The following IL1RAPL1 variants were observed in gnomAD, a reference collection of about 807,000 sequenced individuals.
IL1RAPL1 encodes the protein interleukin 1 receptor accessory protein like 1, also known as interleukin-1 receptor accessory protein-like 1.
Under a neutral mutation model 48.4 loss-of-function variants are expected in IL1RAPL1, and 3 were observed. The ratio of observed to expected loss-of-function variants is 0.06; its 90% CI spans 0.03 to 0.16. IL1RAPL1 has a LOEUF of 0.16. IL1RAPL1 is among the 10% of genes least tolerant of loss of function. The pLI is 1.00. For missense variants in IL1RAPL1, 349 were observed against 530.6 expected (o/e 0.66, Z 3.36); for synonymous variants, 185 against 187.7 (o/e 0.99, Z 0.12).
intron 2 of IL1RAPL1, among the ~76,000 whole-genome samples, chrX:29,076,961 C>T (rs763331851): frequency 2.7e-5 from 3 of 112,267 alleles, no homozygotes; most frequent in Non-Finnish European, 5.6e-5. Context: ...TAAAAGATTA[C>T]TCTGGGTATT....
chrX:29,775,226 T>C (rs1226071524), intron 6 of IL1RAPL1, among the ~76,000 whole-genome samples: 1 of 111,338 alleles, frequency 9.0e-6, no homozygotes, highest in Non-Finnish European at 1.9e-5. Context: ...TTAATCATCA[T>C]TGGGGTTGTT....
rs377565157 is a variant in IL1RAPL1 at position 28,709,749 on chromosome X, T to C, written c.-24-79571T>C. On this transcript the variant is annotated intron_variant, in intron 1 of 10. Transcript: ENST00000378993. ...AGCAATTCAAACCTAGGCGATTTTA[T>C]GTAGGAGGTTAGTTGATGGTAGGTG... Among the ~76,000 whole-genome samples the C allele has an allele frequency of 1.8e-4, 20 of 111,115 alleles. No individual in the cohort carries two copies. The East Asian group carries it at 5.7e-3, about 32-fold the overall frequency.
At chrX:29,762,412 G>T (rs183382342) in intron 6 of IL1RAPL1, among the ~76,000 whole-genome samples, 27 of 111,865 alleles carry the variant, frequency 2.4e-4, no homozygotes, top group African/African-American at 8.4e-4. Context: ...TTGAGTTAAA[G>T]AATTCTTTAG....
intron 2 of IL1RAPL1, among the ~76,000 whole-genome samples, chrX:28,809,507 C>G: frequency 9.1e-6 from 1 of 109,986 alleles, no homozygotes; most frequent in Non-Finnish European, 1.9e-5. Context: ...TAGTGAGTAC[C>G]AAAGATATGC....
At chrX:29,297,928 C>T (rs1160935545) in intron 3 of IL1RAPL1, among the ~76,000 whole-genome samples, 16 of 111,414 alleles carry the variant, frequency 1.4e-4, no homozygotes, top group African/African-American at 5.2e-4. Flanking sequence ...AGTTTTACCC[C>T]ATCTACTCTA....
At chrX:29,310,130 GAAA>G (rs1723306486) in intron 3 of IL1RAPL1, among the ~76,000 whole-genome samples, 4 of 17,467 alleles carry the variant, frequency 2.3e-4, no homozygotes, top group African/African-American at 4.6e-4. Context: ...AAAAAAAAAA[GAAA>G]GGAAAAAAAA....
At chrX:29,093,216 A>G (rs1256729736) in intron 2 of IL1RAPL1, among the ~76,000 whole-genome samples, 1 of 111,469 alleles carries the variant, frequency 9.0e-6, no homozygotes, top group Admixed American at 9.6e-5. Context: ...ACAATTCCAC[A>G]GGCTGTACAG....
intron 3 of IL1RAPL1, among the ~76,000 whole-genome samples, chrX:29,313,288 C>T (rs4893613): frequency 0.098 from 4,686 of 47,659 alleles, 317 homozygotes; most frequent in African/African-American, 0.21. Context: ...TGTGTGTGTG[C>T]GCGCGCACAT....
At chrX:29,906,182 A>ACAAT (rs1324195855) in intron 6 of IL1RAPL1, among the ~76,000 whole-genome samples, 10 of 106,490 alleles carry the variant, frequency 9.4e-5, no homozygotes, top group East Asian at 6.1e-4. Context: ...TAAAATACAA[A>ACAAT]CAATCAGCCG....
At chrX:28,621,079 C>T (rs766566570) in intron 1 of IL1RAPL1, among the ~76,000 whole-genome samples, 2 of 112,337 alleles carry the variant, frequency 1.8e-5, no homozygotes, top group Non-Finnish European at 3.8e-5. Context: ...ACTAAAGTAT[C>T]TGACTAGTCC....
intron 2 of IL1RAPL1, among the ~76,000 whole-genome samples, chrX:29,176,684 C>G (rs1178991584): frequency 9.0e-6 from 1 of 110,770 alleles, no homozygotes; most frequent in Non-Finnish European, 1.9e-5. Context: ...TCTGGACTTA[C>G]AAAGACAATA....
intron 1 of IL1RAPL1, among the ~76,000 whole-genome samples, chrX:28,750,249 G>A (rs1388247343): frequency 9.0e-6 from 1 of 111,560 alleles, no homozygotes; most frequent in East Asian, 2.8e-4. Context: ...TATCTTGATG[G>A]CAGTATAACT....
At chrX:29,403,730 C>G (rs1934022783) in intron 5 of IL1RAPL1, among the ~76,000 whole-genome samples, 1 of 111,659 alleles carries the variant, frequency 9.0e-6, no homozygotes, top group Non-Finnish European at 1.9e-5. Context: ...TTAGCCTCTT[C>G]CCCTACCTTA....
chrX:29,322,207 T>TTCTATCTTTCTTTC (rs1932808243), intron 3 of IL1RAPL1, among the ~76,000 whole-genome samples: 2 of 110,784 alleles, frequency 1.8e-5, no homozygotes, highest in African/African-American at 6.5e-5. Context: ...TTCTTTCTTT[T>TTCTATCTTTCTTTC]TCTTTCTTTC....
At chrX:29,081,146 C>T (rs1262293825) in intron 2 of IL1RAPL1, among the ~76,000 whole-genome samples, 2 of 103,983 alleles carry the variant, frequency 1.9e-5, no homozygotes, top group Admixed American at 1.1e-4. Context: ...CTCTGCTTCC[C>T]GGGTTCAAGC....
At chrX:28,762,984 T>C (rs770156142) in intron 1 of IL1RAPL1, among the ~76,000 whole-genome samples, 1 of 111,442 alleles carries the variant, frequency 9.0e-6, no homozygotes, top group Non-Finnish European at 1.9e-5. Flanking sequence ...AGGCAAGTTT[T>C]CTCTGGTATG....
intron 5 of IL1RAPL1, among the ~76,000 whole-genome samples, chrX:29,630,631 C>T (rs5972511): frequency 0.059 from 6,497 of 109,344 alleles, 488 homozygotes; most frequent in African/African-American, 0.2. Context: ...CTCCACCTCC[C>T]GGGTTCACAC....
intron 2 of IL1RAPL1, among the ~76,000 whole-genome samples, chrX:29,009,837 G>A (rs1405558965): frequency 8.9e-6 from 1 of 111,866 alleles, no homozygotes; most frequent in African/African-American, 3.3e-5. Context: ...TCTATACATT[G>A]CTTTGGGCAG....
At chrX:29,458,790 G>A (rs1805191129) in intron 5 of IL1RAPL1, among the ~76,000 whole-genome samples, 1 of 109,424 alleles carries the variant, frequency 9.1e-6, no homozygotes, top group Admixed American at 9.8e-5. Flanking sequence ...CTGGGCTCAA[G>A]TGATCCTCCT....
Sources: gnomAD v4.1 joint callset for allele counts (sites outside exome capture counted in the v4.1 genomes callset) on GRCh38, gnomAD v4.1.1 for gene constraint, MANE v1.5 for transcripts, NCBI Gene and HGNC (gene_info 2026-07-23, HGNC 2026-07-21) for gene names.